DOP1A: variants seen among roughly 807,000 people sequenced by gnomAD.
The protein encoded by DOP1A is protein DOP1A.
DOP1A carries 90 observed loss-of-function variants against 267.6 expected under a neutral mutation model. The ratio of observed to expected loss-of-function variants is 0.34; its 90% CI spans 0.28 to 0.40. The LOEUF (loss-of-function observed/expected upper bound fraction) is 0.40. Among genes scored for constraint, DOP1A ranks in the 10% least tolerant of loss-of-function variants. The pLI is 1.00. For missense variants in DOP1A, 2,437 were observed against 2,900.4 expected, an observed-to-expected ratio of 0.84 and a Z score of 3.67; for synonymous variants, 932 against 999.1, an observed-to-expected ratio of 0.93 and a Z score of 1.27.
intron 23 of DOP1A, among the ~76,000 whole-genome samples, chr6:83,140,785 G>GA (rs1457247846): frequency 1.3e-5 from 2 of 152,040 alleles, no homozygotes; most frequent in African/African-American, 4.8e-5. Context: ...TAAATGGAAT[G>GA]ATAACAATAT....
chr6:83,123,862 A>G (rs1220343814), intron 12 of DOP1A, among the ~76,000 whole-genome samples: 1 of 152,144 alleles, frequency 6.6e-6, no homozygotes, highest in South Asian at 2.1e-4. Flanking sequence ...TACCTTCTAC[A>G]TTCACAAATG....
chr6:83,157,390 TAGA>T, intron 35 of DOP1A, 72 bp downstream of exon 35: 7 of 1,496,068 alleles, frequency 4.7e-6, no homozygotes, highest in Non-Finnish European at 6.5e-6. Context: ...ATGTGCTTAC[TAGA>T]TATTAACGAA....
intron 4 of DOP1A, among the ~76,000 whole-genome samples, chr6:83,105,356 C>CTTTTTTTTTTTTTTTTTTTT: frequency 1.5e-5 from 1 of 65,892 alleles, no homozygotes; most frequent in Admixed American, 2.3e-4. Context: ...GGATGTCTTT[C>CTTTTTTTTTTTTTTTTTTTT]TTTTTTTTTT....
intron 1 of DOP1A, among the ~76,000 whole-genome samples, chr6:83,089,926 T>C (rs1770027742): frequency 6.6e-6 from 1 of 152,196 alleles, no homozygotes; most frequent in South Asian, 2.1e-4. Flanking sequence ...ATTAAATATA[T>C]ACAGTTTAAC....
chr6:83,151,044 A>G (rs1161456046), intron 27 of DOP1A, among the ~76,000 whole-genome samples: 2 of 152,220 alleles, frequency 1.3e-5, no homozygotes, highest in Admixed American at 1.3e-4. Flanking sequence ...CTATAAGTAT[A>G]TATAAATATT....
rs1454936915 is a variant in DOP1A, at chr6:83,166,566, A to T, written c.7093-1296A>T. On this transcript the variant is annotated intron_variant, in intron 38 of 38. Coordinates refer to ENST00000349129, the MANE Select transcript of DOP1A (RefSeq NM_015018.4). ...CAGCAATAAGTCATTAGCAAAAAAA[A>T]AGTGAGAAATATGCTTAAAATGATG... is the stretch of plus-strand genomic sequence containing the variant. The T allele has an allele frequency of 1.8e-5, 11 of 620,652 alleles. No homozygotes were observed. In the Admixed American group the frequency reaches 3.1e-4, roughly 18 times the overall value. The allele number at this position is 620,652 out of a possible 1,614,324, so 38.4% of individuals were successfully genotyped here. A position where few individuals can be genotyped will look rare whatever the true frequency, so the allele number is the denominator to read the frequency against.
intron 24 of DOP1A, 26 bp from the exon 25 acceptor site, chr6:83,145,486 TATACATACATAC>T (rs764929765): frequency 4.3e-5 from 65 of 1,506,096 alleles, no homozygotes; most frequent in Non-Finnish European, 5.5e-5. Flanking sequence ...AAAAGACTTA[TATACATACATAC>T]ATACATACAA....
At chr6:83,119,967 C>T in intron 9 of DOP1A, 110 bp downstream of exon 9, 1 of 743,160 alleles carries the variant, frequency 1.3e-6, no homozygotes, top group South Asian at 2.3e-5. Flanking sequence ...GGGGTGGAGA[C>T]AAGACTTACA....
chr6:83,151,462 T>C, intron 27 of DOP1A, 131 bp from the exon 28 acceptor site: 1 of 575,030 alleles, frequency 1.7e-6, no homozygotes, highest in East Asian at 3.0e-5. Flanking sequence ...TCATAGGATA[T>C]GTATATATAT....
intron 15 of DOP1A, among the ~76,000 whole-genome samples, chr6:83,126,744 G>A (rs2128229875): frequency 6.6e-6 from 1 of 152,240 alleles, no homozygotes; most frequent in South Asian, 2.1e-4. Flanking sequence ...AAGTATAACA[G>A]CCCAGTGAGT....
chr6:83,078,299 T>G (rs1320663589), intron 1 of DOP1A, among the ~76,000 whole-genome samples: 2 of 152,208 alleles, frequency 1.3e-5, no homozygotes, highest in Non-Finnish European at 2.9e-5. Flanking sequence ...TAAGAGCACT[T>G]CTTATACGCT....
At chr6:83,131,653 A>C (rs111581421) in intron 17 of DOP1A, among the ~76,000 whole-genome samples, 1 of 151,664 alleles carries the variant, frequency 6.6e-6, no homozygotes, top group Non-Finnish European at 1.5e-5. Context: ...AAACATTTAC[A>C]TGTCTGATTT....
At position 83,123,736 on chromosome 6, in the gene DOP1A, G is replaced by A. The variant is rs547768699; in HGVS notation, c.1340+754G>A. Among the ~76,000 whole-genome samples, 3 of 152,162 alleles carry A rather than the reference G, an allele frequency of 2.0e-5. No individual in the cohort carries two copies. In the South Asian group the frequency reaches 6.2e-4, roughly 32 times the overall value. Reference sequence around the variant, plus strand: ...AGTCCCTGTCTTCAAAGATCTTATAGTGGGAACAAATAAGACATGCACGCG... The same window carrying A: ...AGTCCCTGTCTTCAAAGATCTTATAATGGGAACAAATAAGACATGCACGCG... On this transcript the variant is annotated intron_variant, in intron 12 of 38. Transcript: ENST00000349129.
chr6:83,079,652 C>T (rs1190023787), intron 1 of DOP1A, among the ~76,000 whole-genome samples: 1 of 151,962 alleles, frequency 6.6e-6, no homozygotes, highest in Non-Finnish European at 1.5e-5. Context: ...TTTTATTTTG[C>T]AAATAATGAT....
At chr6:83,109,760 T>C (rs948972551) in intron 5 of DOP1A, among the ~76,000 whole-genome samples, 3 of 152,214 alleles carry the variant, frequency 2.0e-5, no homozygotes, top group Admixed American at 6.5e-5. Context: ...AATATTCTTA[T>C]TAAAAAACTA....
chr6:83,166,064 T>C, intron 38 of DOP1A: 1 of 310,438 alleles, frequency 3.2e-6, no homozygotes, highest in Non-Finnish European at 6.0e-6. Flanking sequence ...ATCCACCTTT[T>C]GGCACACATC....
At position 83,124,863 on chromosome 6, in the gene DOP1A, G is replaced by A. The variant is rs139403764; in HGVS notation, c.1455+44G>A. The A allele has an allele frequency of 1.6e-4, 230 of 1,459,214 alleles. No individual in the cohort carries two copies. In the African/African-American group the frequency reaches 2.5e-3, roughly 16 times the overall value. The allele number at this position is 1,459,214 out of a possible 1,614,324, so 90.4% of individuals were successfully genotyped here. ...GAAAATATCAAGGAAATCGAATAAC[G>A]TAGTTCAAATATTTCGTGTTGTAGG... On this transcript the variant is annotated intron_variant, in intron 13 of 38. Transcript: ENST00000349129.
chr6:83,166,463 T>C (rs1246832030), intron 38 of DOP1A: 1 of 701,348 alleles, frequency 1.4e-6, no homozygotes, highest in South Asian at 1.5e-5. Context: ...TGCTGCTTTA[T>C]AACCTATTTT....
rs1786376106 is a variant in DOP1A, at chr6:83,168,428, G to A, written c.*261G>A. 1 of 1,156,096 alleles carries A rather than the reference G, an allele frequency of 8.6e-7. No individual in the cohort carries two copies. The highest frequency in any genetic ancestry group is 1.6e-5 in the African/African-American group (1 of 62,240). 71.6% of individuals were successfully genotyped at this position (1,156,096 alleles called of 1,614,324 possible). A position where few individuals can be genotyped will look rare whatever the true frequency, so the allele number is the denominator to read the frequency against. On this transcript the variant is annotated 3_prime_UTR_variant, in exon 39 of 39. Coordinates refer to ENST00000349129, the MANE Select transcript of DOP1A (RefSeq NM_015018.4). Reference sequence around the variant, plus strand: ...AAGTCCATTGTTTTTATTGTCCTGAGTTGTCTTAAACCTGCAAAATATACA... The same window carrying A: ...AAGTCCATTGTTTTTATTGTCCTGAATTGTCTTAAACCTGCAAAATATACA...
Sources: gnomAD v4.1 joint callset for allele counts (sites outside exome capture counted in the v4.1 genomes callset) on GRCh38, gnomAD v4.1.1 for gene constraint, MANE v1.5 for transcripts, NCBI Gene and HGNC (gene_info 2026-07-23, HGNC 2026-07-21) for gene names.